FANCL: variants seen among roughly 807,000 people sequenced by gnomAD.
The protein encoded by FANCL is FA complementation group L, also known as E3 ubiquitin-protein ligase FANCL.
A neutral mutation model predicts 59.4 loss-of-function variants in FANCL; 69 were observed. The ratio of observed to expected loss-of-function variants is 1.16; its 90% CI spans 0.96 to 1.42. The LOEUF (loss-of-function observed/expected upper bound fraction) is 1.42. Among genes scored for constraint, FANCL ranks in the 40% most tolerant of loss-of-function variants. The pLI, the probability that FANCL is intolerant of heterozygous loss-of-function variation, is 0.00. For missense variants in FANCL, 519 were observed against 447.2 expected, an observed-to-expected ratio of 1.16 and a Z score of -1.45; for synonymous variants, 180 against 147.1, an observed-to-expected ratio of 1.22 and a Z score of -1.62.
At chr2:58,177,905 G>A (rs1687518957) in intron 7 of FANCL, among the ~76,000 whole-genome samples, 1 of 151,620 alleles carries the variant, frequency 6.6e-6, no homozygotes. Context: ...TGATGAAGGG[G>A]ATATCGCCAC....
intron 6 of FANCL, among the ~76,000 whole-genome samples, chr2:58,201,373 TAAAA>T (rs915579684): frequency 2.7e-5 from 4 of 150,278 alleles, no homozygotes; most frequent in Non-Finnish European, 4.5e-5. Context: ...AATCAATAAC[TAAAA>T]AAAAAGATTA....
rs775899762 is a variant in FANCL at position 58,230,367 on chromosome 2, T to C, written c.156-493A>G. 6.4e-4 allele frequency among the ~76,000 whole-genome samples: 97 copies of C among 152,050 alleles called. 1 individual carries two copies. The highest frequency in any genetic ancestry group is 1.1e-3 in the Non-Finnish European group (78 of 67,988). ...GTCACTCAGGCTGGCTGGAGTGCAG[T>C]AGAATAGCTGACTGCAACCTGAACT... On this transcript the variant is annotated intron_variant, in intron 2 of 13. Coordinates refer to ENST00000233741, the MANE Select transcript of FANCL (RefSeq NM_018062.4).
At chr2:58,174,132 T>C (rs1435684197) in intron 7 of FANCL, among the ~76,000 whole-genome samples, 1 of 152,118 alleles carries the variant, frequency 6.6e-6, no homozygotes, top group African/African-American at 2.4e-5. Context: ...CCCAGATTCA[T>C]AAAACAAGTC....
chr2:58,222,979 T>C (rs1203082614), intron 4 of FANCL, among the ~76,000 whole-genome samples: 1 of 150,696 alleles, frequency 6.6e-6, no homozygotes, highest in Non-Finnish European at 1.5e-5. Flanking sequence ...TAAGTATATG[T>C]TTAATCTTAT....
intron 12 of FANCL, among the ~76,000 whole-genome samples, chr2:58,160,708 CAT>C (rs771586016): frequency 7.2e-5 from 11 of 151,988 alleles, no homozygotes; most frequent in Admixed American, 4.6e-4. Flanking sequence ...AAAGAAATCA[CAT>C]GTTCCCTTAG....
At chr2:58,182,976 C>T (rs1485435117) in intron 7 of FANCL, among the ~76,000 whole-genome samples, 1 of 151,664 alleles carries the variant, frequency 6.6e-6, no homozygotes, top group Non-Finnish European at 1.5e-5. Flanking sequence ...TAGTGTTAAT[C>T]CTCACAAGAT....
At chr2:58,185,049 C>T (rs564999425) in intron 7 of FANCL, among the ~76,000 whole-genome samples, 1 of 152,026 alleles carries the variant, frequency 6.6e-6, no homozygotes, top group Admixed American at 6.6e-5. Flanking sequence ...ACAAGAGAAA[C>T]TAGAAAACTA....
intron 1 of FANCL, among the ~76,000 whole-genome samples, chr2:58,239,267 A>T (rs1694299024): frequency 6.6e-6 from 1 of 152,228 alleles, no homozygotes; most frequent in African/African-American, 2.4e-5. Context: ...CAGGTGATCA[A>T]AGTTAACATC....
At chr2:58,200,404 T>C (rs1689879479) in intron 6 of FANCL, among the ~76,000 whole-genome samples, 1 of 152,066 alleles carries the variant, frequency 6.6e-6, no homozygotes, top group African/African-American at 2.4e-5. Flanking sequence ...AAAATCTCTT[T>C]TCCTTCTAAA....
At chr2:58,240,993 C>G (rs1184635606) in intron 1 of FANCL, among the ~76,000 whole-genome samples, 1 of 152,222 alleles carries the variant, frequency 6.6e-6, no homozygotes, top group Admixed American at 6.5e-5. Context: ...GCCCCAGCCC[C>G]GCTCCACGCC....
At chr2:58,207,342 G>C (rs1476368725) in intron 5 of FANCL, among the ~76,000 whole-genome samples, 3 of 152,204 alleles carry the variant, frequency 2.0e-5, no homozygotes. Context: ...GTAGCCACCA[G>C]CCACGTGTCT....
intron 7 of FANCL, among the ~76,000 whole-genome samples, chr2:58,186,783 G>GT (rs1442278776): frequency 6.6e-6 from 1 of 152,162 alleles, no homozygotes. Context: ...GCAGTGAATT[G>GT]TTTTGTCAAC....
rs577415280 is a variant in FANCL at position 58,223,015 on chromosome 2, T to A, written c.274-973A>T. ...TTTTTAAGTATATATCAATTTTTTT[T>A]AACCAGGATAGGACACTATCAAATT... On this transcript the variant is annotated intron_variant, in intron 4 of 13. Coordinates refer to ENST00000233741, the MANE Select transcript of FANCL (RefSeq NM_018062.4). 5.3e-5 allele frequency among the ~76,000 whole-genome samples: 8 copies of A among 150,784 alleles called. No homozygotes were observed. In the South Asian group the frequency reaches 1.7e-3, roughly 31 times the overall value.
intron 7 of FANCL, among the ~76,000 whole-genome samples, chr2:58,167,461 T>C (rs1162669689): frequency 6.6e-6 from 1 of 152,202 alleles, no homozygotes; most frequent in Non-Finnish European, 1.5e-5. Flanking sequence ...TAATTACCTA[T>C]TCCTTTGTAT....
At chr2:58,175,373 C>CA (rs1160417599) in intron 7 of FANCL, among the ~76,000 whole-genome samples, 1 of 149,972 alleles carries the variant, frequency 6.7e-6, no homozygotes, top group African/African-American at 2.5e-5. Flanking sequence ...AACATTGATG[C>CA]AAAAATCCTC....
chr2:58,175,288 G>A (rs1687172712), intron 7 of FANCL, among the ~76,000 whole-genome samples: 1 of 148,634 alleles, frequency 6.7e-6, no homozygotes, highest in South Asian at 2.1e-4. Flanking sequence ...ATTTTATGAG[G>A]CCAGCATCAT....
chr2:58,213,735 A>AG (rs111387910), intron 5 of FANCL: 42,311 of 149,428 alleles, frequency 0.28, 8,612 homozygotes, highest in African/African-American at 0.58. Flanking sequence ...AAAAAAAGAG[A>AG]GGGAAAAAAA....
At chr2:58,218,778 G>C (rs1214531780) in intron 5 of FANCL, among the ~76,000 whole-genome samples, 2 of 152,064 alleles carry the variant, frequency 1.3e-5, no homozygotes, top group Non-Finnish European at 2.9e-5. Context: ...CTCCCTGTTG[G>C]AGTATGAGAT....
chr2:58,177,137 G>A (rs934220928), intron 7 of FANCL, among the ~76,000 whole-genome samples: 2 of 152,202 alleles, frequency 1.3e-5, no homozygotes, highest in Non-Finnish European at 2.9e-5. Context: ...AACAACAGGT[G>A]CTGGAGAGGA....
Sources: allele counts gnomAD v4.1 joint callset (sites outside exome capture counted in the v4.1 genomes callset), GRCh38; gene constraint gnomAD v4.1.1; transcripts MANE v1.5; gene names NCBI Gene and HGNC (gene_info 2026-07-23, HGNC 2026-07-21).